ZBTB20: variants seen among roughly 807,000 people sequenced by gnomAD.
The protein encoded by ZBTB20 is zinc finger and BTB domain containing 20.
In ZBTB20, 9 loss-of-function variants were observed where a neutral mutation model predicts 56.9. The observed-to-expected ratio is 0.16, with a 90% CI of 0.10 to 0.28. ZBTB20 has a LOEUF of 0.28. Ranked by LOEUF, ZBTB20 falls within the 10% of genes least tolerant of loss-of-function variation. The probability of loss-of-function intolerance (pLI) is 1.00; values close to 1 mark genes in which losing one functional copy is unlikely to be tolerated. For synonymous variants in ZBTB20, 417 were observed against 420.7 expected (o/e 0.99, Z 0.11); for missense variants, 655 against 1,003.0 (o/e 0.65, Z 4.69).
chr3:114,810,651 A>G (rs901501803), intron 4 of ZBTB20, among the ~76,000 whole-genome samples: 1 of 152,186 alleles, frequency 6.6e-6, no homozygotes, highest in Non-Finnish European at 1.5e-5. Context: ...AAAAGTATCC[A>G]GCTTCTGTGA....
In ZBTB20 at chr3:114,339,143, G is replaced by A; in HGVS notation, c.2088C>T (p.Pro696=). 6.2e-7 allele frequency: 1 copy of A among 1,613,644 alleles called. No individual in the cohort carries two copies. Among genetic ancestry groups the A allele is most frequent in the Non-Finnish European group, 8.5e-7 (1 of 1,179,614 alleles). ...ASNGTPPAGT[P]PGARAGPPGV... ...CTGGGGGGCCAGCGCGGGCACCTGG[G>A]GGTGTGCCTGCAGGGGGGGTCCCAT... Residue 696 remains proline (P), a synonymous_variant, in exon 12 of 12, where the codon CCC becomes CCT. Transcript: ENST00000675478. The surrounding 1 kb of genome is among the most constrained non-coding windows in gnomAD (Gnocchi z 4.2).
At chr3:114,991,920 T>C (rs1451159908) in intron 2 of ZBTB20, among the ~76,000 whole-genome samples, 1 of 152,152 alleles carries the variant, frequency 6.6e-6, no homozygotes, top group Non-Finnish European at 1.5e-5. Context: ...GAGACTAGGA[T>C]TGCAACCACT....
chr3:115,018,401 A>G (rs1315314260), intron 2 of ZBTB20, among the ~76,000 whole-genome samples: 1 of 151,574 alleles, frequency 6.6e-6, no homozygotes, highest in Non-Finnish European at 1.5e-5. Flanking sequence ...ACAAACCAAA[A>G]AAGGTGTATA....
chr3:114,634,631 T>A (rs557252862), intron 6 of ZBTB20, among the ~76,000 whole-genome samples: 1 of 152,306 alleles, frequency 6.6e-6, no homozygotes, highest in East Asian at 1.9e-4. Context: ...AGCTAAGAAA[T>A]AGAGGCACCC....
chr3:114,862,355 C>T (rs921943863), intron 4 of ZBTB20, among the ~76,000 whole-genome samples: 8 of 151,468 alleles, frequency 5.3e-5, no homozygotes, highest in African/African-American at 1.9e-4. Flanking sequence ...AAAGTGGATG[C>T]CCAGGGAAGA....
At chr3:114,878,252 C>T (rs947075987) in intron 4 of ZBTB20, among the ~76,000 whole-genome samples, 1 of 152,016 alleles carries the variant, frequency 6.6e-6, no homozygotes, top group Non-Finnish European at 1.5e-5. Flanking sequence ...TGTTCTGATG[C>T]TAATTTGTGC....
intron 5 of ZBTB20, among the ~76,000 whole-genome samples, chr3:114,739,016 C>A (rs143693088): frequency 2.6e-5 from 4 of 152,166 alleles, no homozygotes. Flanking sequence ...GTGATCCTCC[C>A]GCCTTGGCCT....
intron 1 of ZBTB20, among the ~76,000 whole-genome samples, chr3:115,128,474 G>T (rs1347232160): frequency 4.6e-5 from 7 of 151,780 alleles, no homozygotes; most frequent in Non-Finnish European, 8.8e-5. Context: ...GATCAGCCTG[G>T]CCAACATGGT....
At chr3:114,854,225 T>C (rs1339832019) in intron 4 of ZBTB20, among the ~76,000 whole-genome samples, 1 of 152,204 alleles carries the variant, frequency 6.6e-6, no homozygotes, top group Non-Finnish European at 1.5e-5. Flanking sequence ...ACATAATATG[T>C]GTCAAAATAC....
At chr3:114,582,560 A>G (rs2054755449) in intron 6 of ZBTB20, among the ~76,000 whole-genome samples, 1 of 152,038 alleles carries the variant, frequency 6.6e-6, no homozygotes, top group Admixed American at 6.5e-5. Context: ...TTGTATTTTT[A>G]GTAGAGACAG....
intron 6 of ZBTB20, among the ~76,000 whole-genome samples, chr3:114,576,438 C>A (rs1212859103): frequency 1.0e-4 from 13 of 127,510 alleles, no homozygotes; most frequent in African/African-American, 1.5e-4. Context: ...GGAGGCGGAG[C>A]TTGCAGTGAG....
At chr3:114,490,522 G>T (rs770598624) in intron 7 of ZBTB20, among the ~76,000 whole-genome samples, 2 of 151,874 alleles carry the variant, frequency 1.3e-5, no homozygotes, top group East Asian at 3.9e-4. Flanking sequence ...TGCCCGGCCC[G>T]CTTCCTTCCT....
chr3:115,125,497 G>T (rs1211823254), intron 1 of ZBTB20, among the ~76,000 whole-genome samples: 1 of 152,166 alleles, frequency 6.6e-6, no homozygotes, highest in Non-Finnish European at 1.5e-5. Context: ...AATACAGCAT[G>T]TTCTCACTCA....
intron 7 of ZBTB20, among the ~76,000 whole-genome samples, chr3:114,427,046 C>T (rs1230492111): frequency 6.6e-6 from 1 of 152,130 alleles, no homozygotes; most frequent in African/African-American, 2.4e-5. Flanking sequence ...ATAGGTATCA[C>T]TAAACACACA....
intron 4 of ZBTB20, among the ~76,000 whole-genome samples, chr3:114,838,832 G>A (rs2074243078): frequency 6.6e-6 from 1 of 152,094 alleles, no homozygotes; most frequent in Non-Finnish European, 1.5e-5. Flanking sequence ...GACTGTAGTG[G>A]ATGTATGGAT....
At chr3:114,989,126 T>C (rs991776500) in intron 2 of ZBTB20, among the ~76,000 whole-genome samples, 8 of 152,194 alleles carry the variant, frequency 5.3e-5, no homozygotes, top group Admixed American at 2.6e-4. Flanking sequence ...TTTGTTAATT[T>C]TGGCTTTTGT....
intron 2 of ZBTB20, among the ~76,000 whole-genome samples, chr3:115,026,879 T>C (rs2108326563): frequency 6.6e-6 from 1 of 150,844 alleles, no homozygotes; most frequent in African/African-American, 2.4e-5. Context: ...AAAAATCACC[T>C]GTTGTCAACC....
At chr3:114,574,781 T>G (rs2053830891) in intron 6 of ZBTB20, among the ~76,000 whole-genome samples, 1 of 152,204 alleles carries the variant, frequency 6.6e-6, no homozygotes, top group South Asian at 2.1e-4. Context: ...TCAGTCCTGA[T>G]CAAGAACCTA....
chr3:114,418,856 G>A (rs188376386), intron 7 of ZBTB20, among the ~76,000 whole-genome samples: 5 of 152,138 alleles, frequency 3.3e-5, no homozygotes, highest in Admixed American at 2.6e-4. Flanking sequence ...GCACATATTG[G>A]TTGCTGTGGA....
Sources: allele counts gnomAD v4.1 joint callset (sites outside exome capture counted in the v4.1 genomes callset), GRCh38; gene constraint gnomAD v4.1.1; non-coding constraint Gnocchi (gnomAD v3.1); transcripts MANE v1.5; gene names NCBI Gene and HGNC (gene_info 2026-07-23, HGNC 2026-07-21).